The following PITPNC1 variants were observed in gnomAD, a reference collection of about 807,000 sequenced individuals.
PITPNC1 encodes phosphatidylinositol transfer protein cytoplasmic 1.
Under a neutral mutation model 44.7 loss-of-function variants are expected in PITPNC1, and 18 were observed. That is an observed-to-expected ratio of 0.40 (90% CI 0.28 to 0.60). PITPNC1 has a LOEUF of 0.60. PITPNC1 is among the 20% of genes least tolerant of loss of function. PITPNC1 has a pLI of 0.39. For synonymous variants in PITPNC1, 141 were observed against 149.6 expected (o/e 0.94, Z 0.42); for missense variants, 290 against 418.4 (o/e 0.69, Z 2.68).
In PITPNC1 at chr17:67,436,050, T is replaced by C. The variant is rs181836057; in HGVS notation, c.48+57848T>C. On this transcript the variant is annotated intron_variant, in intron 1 of 8. Transcript: ENST00000581322. ...TCTGTTGCCCCAGGCTGCAGTGTTG[T>C]GGTGTGATCATAGCTCACTGCAGCC... Among the ~76,000 whole-genome samples, 336 of 152,266 alleles carry C rather than the reference T, an allele frequency of 2.2e-3. 4 individuals carry two copies. Among genetic ancestry groups the C allele is most frequent in the Non-Finnish European group, 3.9e-3 (264 of 68,012 alleles).
chr17:67,457,049 A>G (rs191925441), intron 1 of PITPNC1: 1 of 152,076 alleles, frequency 6.6e-6, no homozygotes, highest in Admixed American at 6.5e-5. Context: ...TATGTTGGCC[A>G]GGCTGGAGTG....
At chr17:67,459,107 C>G (rs113385897) in intron 1 of PITPNC1, among the ~76,000 whole-genome samples, 3 of 126,842 alleles carry the variant, frequency 2.4e-5, no homozygotes, top group Non-Finnish European at 5.0e-5. Context: ...TTTTTTTTTT[C>G]TTTTTCTTTT....
In PITPNC1 at chr17:67,632,166, C is replaced by G. The variant is rs562528669; in HGVS notation, c.390C>G (p.Asp130Glu). The change falls in exon 6 of 9, where the codon GAC (aspartate) becomes GAG (glutamate). Residue 130 changes from aspartate (D) to glutamate (E), a missense_variant. By Grantham distance (45) the Asp-to-Glu change is conservative. Coordinates refer to ENST00000581322, the MANE Select transcript of PITPNC1 (RefSeq NM_012417.4). The stretch of plus-strand genomic sequence containing the variant: ...AGATTTTCGACAATGAAGCCAAAGA[C>G]GTGGAGAGAGAAGTTTGCTTTATTG... Reference protein sequence around the residue: ...NDTIFDNEAKDVEREVCFIDI... With the variant: ...NDTIFDNEAKEVEREVCFIDI... The G allele has an allele frequency of 6.2e-6, 10 of 1,612,122 alleles. No homozygotes were observed. Among genetic ancestry groups the G allele is most frequent in the Admixed American group, 5.0e-5 (3 of 59,980 alleles).
At chr17:67,380,255 A>G (rs909323199) in intron 1 of PITPNC1, among the ~76,000 whole-genome samples, 10 of 151,840 alleles carry the variant, frequency 6.6e-5, no homozygotes, top group Non-Finnish European at 4.4e-5. Flanking sequence ...TTGTATTTTT[A>G]GTAGAGACGG....
chr17:67,502,035 T>G (rs1372363373), intron 1 of PITPNC1, among the ~76,000 whole-genome samples: 1 of 152,200 alleles, frequency 6.6e-6, no homozygotes, highest in African/African-American at 2.4e-5. Flanking sequence ...TTAAGACAAC[T>G]TTTGGTACAT....
At chr17:67,469,603 G>A (rs1465554848) in intron 1 of PITPNC1, among the ~76,000 whole-genome samples, 2 of 152,132 alleles carry the variant, frequency 1.3e-5, no homozygotes, top group East Asian at 1.9e-4. Context: ...CGTCAGACCC[G>A]TGGGAGTTCA....
At chr17:67,495,132 C>G (rs2039933922) in intron 1 of PITPNC1, among the ~76,000 whole-genome samples, 1 of 139,392 alleles carries the variant, frequency 7.2e-6, no homozygotes, top group Admixed American at 7.8e-5. Flanking sequence ...TCTCGGCTCA[C>G]TGCAAGCTCC....
At chr17:67,592,148 A>C (rs1276594250) in intron 5 of PITPNC1, among the ~76,000 whole-genome samples, 1 of 152,242 alleles carries the variant, frequency 6.6e-6, no homozygotes, top group Non-Finnish European at 1.5e-5. Flanking sequence ...TATCTTAAAT[A>C]GAATACTAAA....
At chr17:67,588,936 G>A (rs530351050) in intron 5 of PITPNC1, among the ~76,000 whole-genome samples, 62 of 152,032 alleles carry the variant, frequency 4.1e-4, no homozygotes, top group Non-Finnish European at 7.9e-4. Context: ...AACTTTTATC[G>A]TTCTGTTTTT....
chr17:67,418,895 T>C (rs945811112), intron 1 of PITPNC1, among the ~76,000 whole-genome samples: 1 of 152,114 alleles, frequency 6.6e-6, no homozygotes, highest in East Asian at 1.9e-4. Context: ...TTTTGCTTAA[T>C]AGAATCATGA....
chr17:67,425,197 G>GCACACACACA (rs60303181), intron 1 of PITPNC1, among the ~76,000 whole-genome samples: 15 of 98,454 alleles, frequency 1.5e-4, no homozygotes, highest in East Asian at 1.5e-3. Context: ...GCGCGCGCAC[G>GCACACACACA]CACACGCACA....
At chr17:67,543,250 C>T (rs908694593) in intron 2 of PITPNC1, among the ~76,000 whole-genome samples, 7 of 152,180 alleles carry the variant, frequency 4.6e-5, no homozygotes, top group Admixed American at 1.3e-4. Flanking sequence ...CTGCAGCCAT[C>T]AGCACCGCAG....
At chr17:67,381,514 T>A (rs1490660510) in intron 1 of PITPNC1, among the ~76,000 whole-genome samples, 1 of 148,248 alleles carries the variant, frequency 6.7e-6, no homozygotes, top group Non-Finnish European at 1.5e-5. Flanking sequence ...TCTCCCAGGC[T>A]GGAGCGCAGT....
chr17:67,618,364 C>CAA (rs11417487), intron 5 of PITPNC1, among the ~76,000 whole-genome samples: 44,226 of 76,552 alleles, frequency 0.58, 15,381 homozygotes, highest in Non-Finnish European at 0.72. Flanking sequence ...GACTCCGTCT[C>CAA]AAAAAAAAAA....
intron 5 of PITPNC1, among the ~76,000 whole-genome samples, chr17:67,588,998 T>C (rs1598857597): frequency 6.6e-6 from 1 of 152,350 alleles, no homozygotes; most frequent in South Asian, 2.1e-4. Flanking sequence ...TTTTCTCTAA[T>C]AAGTCAGCAC....
chr17:67,420,022 G>C (rs1191785699), intron 1 of PITPNC1, among the ~76,000 whole-genome samples: 1 of 152,126 alleles, frequency 6.6e-6, no homozygotes, highest in Non-Finnish European at 1.5e-5. Flanking sequence ...GACAAATCAT[G>C]GTCTCATTTT....
chr17:67,474,130 G>T (rs995577143), intron 1 of PITPNC1, among the ~76,000 whole-genome samples: 1 of 152,110 alleles, frequency 6.6e-6, no homozygotes, highest in South Asian at 2.1e-4. Flanking sequence ...AGGAATGGGC[G>T]GTGGATGGAG....
intron 8 of PITPNC1, among the ~76,000 whole-genome samples, chr17:67,680,397 C>T (rs959450082): frequency 2.6e-5 from 4 of 152,072 alleles, no homozygotes; most frequent in Admixed American, 6.5e-5. Flanking sequence ...GTCAGGAGTT[C>T]GAGACCAGCC....
At chr17:67,580,119 A>T (rs2041209370) in intron 5 of PITPNC1, among the ~76,000 whole-genome samples, 1 of 152,220 alleles carries the variant, frequency 6.6e-6, no homozygotes, top group African/African-American at 2.4e-5. Flanking sequence ...CCTGAATTGA[A>T]TCATATAGTA....
Sources: allele counts gnomAD v4.1 joint callset (sites outside exome capture counted in the v4.1 genomes callset), GRCh38; gene constraint gnomAD v4.1.1; transcripts MANE v1.5; gene names NCBI Gene and HGNC (gene_info 2026-07-23, HGNC 2026-07-21).